Variants in NHSL1 observed in about 807,000 individuals in gnomAD.
NHSL1 encodes the protein NHS like 1, also known as NHS-like protein 1.
A neutral mutation model predicts 95.0 loss-of-function variants in NHSL1; 48 were observed. The ratio of observed to expected loss-of-function variants is 0.51; its 90% CI spans 0.40 to 0.64. The LOEUF is 0.64. Ranked by LOEUF, NHSL1 falls within the 30% of genes least tolerant of loss-of-function variation. The pLI is 0.00. For synonymous variants in NHSL1, 783 were observed against 833.9 expected (o/e 0.94, Z 1.05); for missense variants, 1,971 against 2,077.7 (o/e 0.95, Z 1.00).
intron 1 of NHSL1, among the ~76,000 whole-genome samples, chr6:138,585,860 C>T (rs1296737697): frequency 1.3e-5 from 2 of 150,086 alleles, no homozygotes; most frequent in Admixed American, 6.6e-5. Context: ...CAGGGAAACA[C>T]GGCAAGTCCC....
chr6:138,597,933 A>G (rs1305175978), intron 1 of NHSL1, among the ~76,000 whole-genome samples: 1 of 152,164 alleles, frequency 6.6e-6, no homozygotes, highest in Non-Finnish European at 1.5e-5. Flanking sequence ...AGTGACGATG[A>G]TAATGTCATC....
chr6:138,601,235 A>G (rs562222453), intron 1 of NHSL1, among the ~76,000 whole-genome samples: 1 of 152,088 alleles, frequency 6.6e-6, no homozygotes, highest in African/African-American at 2.4e-5. Flanking sequence ...TATTTAAATA[A>G]CTCTTTAATT....
intron 3 of NHSL1, among the ~76,000 whole-genome samples, chr6:138,467,406 C>T (rs1204109511): frequency 6.6e-6 from 1 of 152,226 alleles, no homozygotes; most frequent in Non-Finnish European, 1.5e-5. Context: ...CCCGCCTCGG[C>T]CTCCCAAAGT....
chr6:138,481,078 C>T (rs1401170989), intron 2 of NHSL1, among the ~76,000 whole-genome samples: 1 of 152,034 alleles, frequency 6.6e-6, no homozygotes, highest in Non-Finnish European at 1.5e-5. Context: ...TCCAGAAGGA[C>T]TGAGAATACA....
intron 1 of NHSL1, among the ~76,000 whole-genome samples, chr6:138,691,586 A>G (rs1185705046): frequency 6.6e-6 from 1 of 152,224 alleles, no homozygotes; most frequent in Non-Finnish European, 1.5e-5. Flanking sequence ...CCAGCAATCC[A>G]TCAACCATCT....
chr6:138,483,221 A>T (rs1429679581), intron 2 of NHSL1, among the ~76,000 whole-genome samples: 1 of 152,264 alleles, frequency 6.6e-6, no homozygotes, highest in Non-Finnish European at 1.5e-5. Context: ...CAAAGAGGGC[A>T]ATAGAATTTT....
chr6:138,651,893 T>A (rs1243037149), intron 1 of NHSL1, among the ~76,000 whole-genome samples: 1 of 152,174 alleles, frequency 6.6e-6, no homozygotes, highest in East Asian at 1.9e-4. Flanking sequence ...TATTTCACAC[T>A]TTTTTGGGGT....
intron 2 of NHSL1, among the ~76,000 whole-genome samples, chr6:138,478,012 CTTTTTTTTTTTT>C (rs71009589): frequency 1.0e-4 from 3 of 30,016 alleles, no homozygotes; most frequent in African/African-American, 1.5e-4. Context: ...ATTTATGTCA[CTTTTTTTTTTTT>C]TTTTTTTTTT....
chr6:138,586,465 C>A (rs1475950203), intron 1 of NHSL1, among the ~76,000 whole-genome samples: 1 of 152,116 alleles, frequency 6.6e-6, no homozygotes, highest in East Asian at 1.9e-4. Context: ...CAGGGTATAG[C>A]CTACACTTGA....
Position 138,431,106 on chromosome 6 carries a change from G to C in NHSL1, c.3239C>G (p.Pro1080Arg), listed in dbSNP as rs1378865686. ...CTCAGCGCCTGAGTTCTTTCTCACG[G>C]GCCTCAACTGCACCATCTGCAATGC... The part of the protein sequence containing the change: ...TEALQMVQLR[P>R]VRKNSGAEAA... The change falls in exon 6 of 8, where the codon CCC becomes CGC. Residue 1080 changes from proline to arginine, a missense_variant. Around this residue, in one of 3 missense-constraint regions of NHSL1, gnomAD observed 1,602 missense variants for 1,654.5 expected, o/e 0.97. Transcript: ENST00000343505. The surrounding 1 kb of genome is among the most constrained non-coding windows in gnomAD (Gnocchi z 4.0). 6.4e-7 allele frequency: 1 copy of C among 1,551,808 alleles called. No homozygotes were observed. Among genetic ancestry groups the C allele is most frequent in the East Asian group, 2.4e-5 (1 of 40,920 alleles).
chr6:138,601,963 C>G (rs1784376860), intron 1 of NHSL1, among the ~76,000 whole-genome samples: 1 of 152,108 alleles, frequency 6.6e-6, no homozygotes, highest in Non-Finnish European at 1.5e-5. Flanking sequence ...GACTGCAAAC[C>G]TATAAAGCCG....
Position 138,473,368 on chromosome 6 carries a change from C to G in NHSL1, c.277G>C (p.Ala93Pro). The G allele has an allele frequency of 1.3e-6, 2 of 1,548,902 alleles. No homozygotes were observed. Among genetic ancestry groups the G allele is most frequent in the South Asian group, 1.2e-5 (1 of 83,614 alleles). Residue 93 changes from alanine to proline, a missense_variant, in exon 3 of 8, where the codon GCG becomes CCG. Ala to Pro is a conservative substitution (Grantham distance 27). Around this residue, in one of 3 missense-constraint regions of NHSL1, gnomAD observed 1,602 missense variants for 1,654.5 expected, o/e 0.97. Transcript: ENST00000343505. Reference sequence around the variant, plus strand: ...TCACAGAATGGGCTGGCGTTGGCCGCAAAGGTGGGTCCCTGAGAGTAGTAC... The same window carrying G: ...TCACAGAATGGGCTGGCGTTGGCCGGAAAGGTGGGTCCCTGAGAGTAGTAC... ...SQYYSQGPTF[A>P]ANASPFCDDY...
intron 1 of NHSL1, among the ~76,000 whole-genome samples, chr6:138,673,788 T>C (rs1000519430): frequency 6.6e-6 from 1 of 152,218 alleles, no homozygotes; most frequent in Non-Finnish European, 1.5e-5. Flanking sequence ...CAAGCTCAAG[T>C]CTGTCTTTTC....
At chr6:138,649,222 A>T (rs556424527) in intron 1 of NHSL1, among the ~76,000 whole-genome samples, 1 of 152,080 alleles carries the variant, frequency 6.6e-6, no homozygotes, top group Non-Finnish European at 1.5e-5. Context: ...CTAGCCTGGG[A>T]GGGTGTCAGC....
intron 1 of NHSL1, among the ~76,000 whole-genome samples, chr6:138,536,689 T>C (rs1782367756): frequency 1.4e-5 from 2 of 145,576 alleles, no homozygotes; most frequent in Admixed American, 7.1e-5. Flanking sequence ...TAGGTATACA[T>C]GTGCCATGGT....
rs1040343143 is a variant in NHSL1, at chr6:138,642,197, T to C, written c.96+50279A>G. On this transcript the variant is annotated intron_variant, in intron 1 of 3. Transcript: ENST00000491526. Reference sequence around the variant, plus strand: ...GAATACCTAATTCTACAAGAATTTGTATTTCTCTACCCACAAAAATTAAAA... The same window carrying C: ...GAATACCTAATTCTACAAGAATTTGCATTTCTCTACCCACAAAAATTAAAA... Among the ~76,000 whole-genome samples, 4 of 152,148 alleles carry C rather than the reference T, an allele frequency of 2.6e-5. No individual in the cohort carries two copies. In the East Asian group the frequency reaches 7.7e-4, roughly 29 times the overall value.
chr6:138,472,121 G>A (rs530369882), intron 3 of NHSL1, among the ~76,000 whole-genome samples: 1 of 149,066 alleles, frequency 6.7e-6, no homozygotes, highest in African/African-American at 2.5e-5. Context: ...GATGGAGTTT[G>A]CAGTGAGCCA....
At chr6:138,558,219 T>C (rs1329698503) in intron 1 of NHSL1, among the ~76,000 whole-genome samples, 9 of 147,826 alleles carry the variant, frequency 6.1e-5, no homozygotes, top group East Asian at 4.1e-4. Context: ...GCCTCCTGGA[T>C]TCAAGCAATT....
At chr6:138,519,744 G>GA (rs1306655768) in intron 1 of NHSL1, among the ~76,000 whole-genome samples, 4 of 152,196 alleles carry the variant, frequency 2.6e-5, no homozygotes, top group Admixed American at 2.6e-4. Context: ...GGTAGCTGGA[G>GA]AAAGATCTAG....
Sources: allele counts gnomAD v4.1 joint callset (sites outside exome capture counted in the v4.1 genomes callset), GRCh38; gene constraint gnomAD v4.1.1; regional missense constraint gnomAD v4.1.1; non-coding constraint Gnocchi (gnomAD v3.1); transcripts MANE v1.5; gene names NCBI Gene and HGNC (gene_info 2026-07-23, HGNC 2026-07-21).